GPC5: variants seen among roughly 807,000 people sequenced by gnomAD.
The protein encoded by GPC5 is glypican 5.
Under a neutral mutation model 53.9 loss-of-function variants are expected in GPC5, and 47 were observed. The ratio of observed to expected loss-of-function variants is 0.87; its 90% CI spans 0.69 to 1.11. The LOEUF is 1.11. GPC5 is among the 50% of genes most tolerant of loss of function. The pLI is 0.00. For synonymous variants in GPC5, 286 were observed against 263.3 expected (o/e 1.09, Z -0.84); for missense variants, 748 against 713.1 (o/e 1.05, Z -0.56).
At chr13:91,672,929 G>T (rs2035284112) in intron 2 of GPC5, among the ~76,000 whole-genome samples, 1 of 152,176 alleles carries the variant, frequency 6.6e-6, no homozygotes, top group South Asian at 2.1e-4. Context: ...CATGTCATTT[G>T]CAGGGACACG....
intron 6 of GPC5, among the ~76,000 whole-genome samples, chr13:92,123,244 TA>T (rs34197765): frequency 4.8e-4 from 70 of 144,646 alleles, no homozygotes; most frequent in Admixed American, 1.2e-3. Context: ...GTCTCTACTT[TA>T]AAAAAAAAAA....
chr13:92,661,192 G>A (rs1383055882), intron 7 of GPC5, among the ~76,000 whole-genome samples: 1 of 151,990 alleles, frequency 6.6e-6, no homozygotes, highest in Non-Finnish European at 1.5e-5. Flanking sequence ...CTACTAGGGA[G>A]GCTGAGGTTG....
At chr13:91,574,124 A>G (rs937139635) in intron 2 of GPC5, among the ~76,000 whole-genome samples, 4 of 152,188 alleles carry the variant, frequency 2.6e-5, no homozygotes, top group African/African-American at 7.2e-5. Context: ...AAACATTTGT[A>G]TACAAGTTGA....
At chr13:92,618,244 C>T (rs1884761871) in intron 7 of GPC5, among the ~76,000 whole-genome samples, 1 of 152,084 alleles carries the variant, frequency 6.6e-6, no homozygotes, top group African/African-American at 2.4e-5. Flanking sequence ...ATATGTCTTT[C>T]AGGCCAAACT....
chr13:91,787,669 A>G (rs974628646), intron 5 of GPC5, among the ~76,000 whole-genome samples: 7 of 152,222 alleles, frequency 4.6e-5, no homozygotes, highest in Non-Finnish European at 4.4e-5. Context: ...ACATATTGGC[A>G]TCATCTCATC....
chr13:92,120,233 C>G (rs1178549191), intron 6 of GPC5, among the ~76,000 whole-genome samples: 1 of 152,154 alleles, frequency 6.6e-6, no homozygotes, highest in Non-Finnish European at 1.5e-5. Context: ...AATCAACTGC[C>G]TTTCTTCCTT....
At chr13:91,950,290 A>C (rs1229195921) in intron 6 of GPC5, among the ~76,000 whole-genome samples, 1 of 127,608 alleles carries the variant, frequency 7.8e-6, no homozygotes, top group Non-Finnish European at 1.6e-5. Flanking sequence ...TTTTTTCATG[A>C]ATTAGCATCT....
intron 7 of GPC5, among the ~76,000 whole-genome samples, chr13:92,757,692 A>C (rs1458349251): frequency 6.6e-6 from 1 of 152,240 alleles, no homozygotes; most frequent in African/African-American, 2.4e-5. Flanking sequence ...GACACTTCTC[A>C]AAAGAAGACA....
Position 92,012,237 on chromosome 13 carries a change from T to G in GPC5, c.1401+104180T>G, listed in dbSNP as rs149054222. Among the ~76,000 whole-genome samples the G allele has an allele frequency of 4.8e-3, 736 of 152,322 alleles. 1 individual carries two copies. Among genetic ancestry groups the G allele is most frequent in the Non-Finnish European group, 7.6e-3 (515 of 68,024 alleles). ...GGCATTGCTTTTTAATAGCTTGATT[T>G]GAAAACGATTTAATTTTTTTCATTT... On this transcript the variant is annotated intron_variant, in intron 6 of 7. Coordinates refer to ENST00000377067, the MANE Select transcript of GPC5 (RefSeq NM_004466.6).
At chr13:91,977,122 A>G (rs1036919475) in intron 6 of GPC5, among the ~76,000 whole-genome samples, 4 of 152,050 alleles carry the variant, frequency 2.6e-5, no homozygotes, top group Non-Finnish European at 5.9e-5. Flanking sequence ...TATCCAAAAA[A>G]CAGTAAACAT....
intron 7 of GPC5, among the ~76,000 whole-genome samples, chr13:92,615,265 A>C (rs1684406730): frequency 1.3e-5 from 2 of 152,204 alleles, no homozygotes. Flanking sequence ...CATTATAGAC[A>C]ATTTCACAAG....
chr13:92,232,031 C>G (rs2042534500), intron 7 of GPC5, among the ~76,000 whole-genome samples: 1 of 152,058 alleles, frequency 6.6e-6, no homozygotes, highest in South Asian at 2.1e-4. Context: ...TGGCACCTAT[C>G]TTGTTCTTGA....
intron 7 of GPC5, among the ~76,000 whole-genome samples, chr13:92,261,336 A>T (rs2042765694): frequency 6.6e-6 from 1 of 152,172 alleles, no homozygotes; most frequent in Non-Finnish European, 1.5e-5. Flanking sequence ...ACATGTTGCA[A>T]GGCAATCAAA....
intron 5 of GPC5, among the ~76,000 whole-genome samples, chr13:91,881,873 C>A (rs1484705242): frequency 6.6e-6 from 1 of 152,124 alleles, no homozygotes; most frequent in African/African-American, 2.4e-5. Context: ...AGCCTTAAGA[C>A]AGGGAGAGCA....
At chr13:92,543,537 G>A (rs1002541350) in intron 7 of GPC5, among the ~76,000 whole-genome samples, 5 of 151,954 alleles carry the variant, frequency 3.3e-5, no homozygotes, top group African/African-American at 1.2e-4. Flanking sequence ...TAGGGGATAT[G>A]ACTACTCTCA....
At chr13:92,502,726 A>G (rs973393728) in intron 7 of GPC5, among the ~76,000 whole-genome samples, 2 of 152,036 alleles carry the variant, frequency 1.3e-5, no homozygotes, top group Non-Finnish European at 1.5e-5. Flanking sequence ...TGAAAACACA[A>G]ACAGACACAT....
rs1566368230 is a variant in GPC5 at position 92,695,806 on chromosome 13, C to G, written c.1562-170476C>G. Among the ~76,000 whole-genome samples, 6 of 151,886 alleles carry G rather than the reference C, an allele frequency of 4.0e-5. No homozygotes were observed. In the South Asian group the frequency reaches 1.2e-3, roughly 32 times the overall value. ...CATGGTTGTTTGTGGCACCTATCAA[C>G]CCATCATCTACATTAGGTATTTCTC... On this transcript the variant is annotated intron_variant, in intron 7 of 7. Transcript: ENST00000377067.
At chr13:92,541,536 T>C (rs1409147045) in intron 7 of GPC5, among the ~76,000 whole-genome samples, 2 of 151,836 alleles carry the variant, frequency 1.3e-5, no homozygotes, top group Non-Finnish European at 2.9e-5. Flanking sequence ...TTATTTTAGA[T>C]ACTAGTTACA....
chr13:92,596,360 A>T (rs1187850979), intron 7 of GPC5, among the ~76,000 whole-genome samples: 1 of 152,170 alleles, frequency 6.6e-6, no homozygotes, highest in Non-Finnish European at 1.5e-5. Flanking sequence ...GATGGCATAT[A>T]ATATGCCCCA....
Sources: gnomAD v4.1 joint callset for allele counts (sites outside exome capture counted in the v4.1 genomes callset) on GRCh38, gnomAD v4.1.1 for gene constraint, MANE v1.5 for transcripts, NCBI Gene and HGNC (gene_info 2026-07-23, HGNC 2026-07-21) for gene names.